Variants in ARL15 observed in about 807,000 individuals in gnomAD.
ARL15 encodes the protein ADP-ribosylation factor-like protein 15.
Under a neutral mutation model 25.2 loss-of-function variants are expected in ARL15, and 19 were observed. The ratio of observed to expected loss-of-function variants is 0.75; its 90% confidence interval spans 0.53 to 1.10. The LOEUF (loss-of-function observed/expected upper bound fraction) is 1.10, where lower values mean the gene tolerates loss of function less well. ARL15 is among the 50% of genes least tolerant of loss of function. The probability of loss-of-function intolerance (pLI) is 0.00; values close to 1 mark genes in which losing one functional copy is unlikely to be tolerated. For missense variants in ARL15, 220 were observed against 246.0 expected (o/e 0.89, Z 0.71); for synonymous variants, 94 against 86.8 (o/e 1.08, Z -0.46).
In ARL15 at chr5:54,310,516, G is replaced by A. The variant is rs921089754; in HGVS notation, c.-37C>T. 15 of 1,572,338 alleles carry A rather than the reference G, an allele frequency of 9.5e-6. No individual in the cohort carries two copies. The highest frequency in any genetic ancestry group is 2.3e-5 in the East Asian group (1 of 42,608). On this transcript the variant is annotated 5_prime_UTR_variant, in exon 1 of 5. Transcript: ENST00000504924. The stretch of plus-strand genomic sequence containing the variant: ...AAGCATCCGGAACGGCTCCGAACCC[G>A]GAAAAAAAAAGCAGCGTCTCTGGCT...
chr5:54,145,315 T>A (rs1346122558), intron 3 of ARL15, among the ~76,000 whole-genome samples: 1 of 152,202 alleles, frequency 6.6e-6, no homozygotes, highest in Non-Finnish European at 1.5e-5. Context: ...TAATCAAGCA[T>A]CTTCAGTAGA....
chr5:54,201,671 T>G (rs1755728401), intron 1 of ARL15, among the ~76,000 whole-genome samples: 1 of 152,032 alleles, frequency 6.6e-6, no homozygotes. Flanking sequence ...AATTCCTACC[T>G]CCCCATGCTG....
intron 4 of ARL15, among the ~76,000 whole-genome samples, chr5:54,041,568 C>G (rs1236815798): frequency 6.6e-6 from 1 of 152,170 alleles, no homozygotes; most frequent in Non-Finnish European, 1.5e-5. Flanking sequence ...CTACATGAGC[C>G]ACAAGTATGA....
At chr5:54,293,787 T>G (rs1561298438) in intron 1 of ARL15, among the ~76,000 whole-genome samples, 1 of 152,164 alleles carries the variant, frequency 6.6e-6, no homozygotes, top group Non-Finnish European at 1.5e-5. Flanking sequence ...CATAGAAGAC[T>G]TTATGCCCTT....
intron 4 of ARL15, among the ~76,000 whole-genome samples, chr5:53,991,589 G>C (rs186486438): frequency 6.2e-5 from 9 of 145,502 alleles, no homozygotes; most frequent in African/African-American, 2.0e-4. Context: ...TTGAAGCAAT[G>C]AGTGTAAACA....
chr5:53,933,251 T>C (rs1746250210), intron 4 of ARL15, among the ~76,000 whole-genome samples: 1 of 151,924 alleles, frequency 6.6e-6, no homozygotes, highest in African/African-American at 2.4e-5. Context: ...ATTAATCAAA[T>C]CTAGAAGGAA....
At chr5:54,264,155 C>T (rs1159921222) in intron 1 of ARL15, among the ~76,000 whole-genome samples, 1 of 152,112 alleles carries the variant, frequency 6.6e-6, no homozygotes, top group Non-Finnish European at 1.5e-5. Flanking sequence ...GAAAGCTGCT[C>T]AATACATCCT....
intron 1 of ARL15, among the ~76,000 whole-genome samples, chr5:54,222,906 G>A (rs142642289): frequency 0.01 from 1,545 of 151,492 alleles, 53 homozygotes; most frequent in East Asian, 0.1. Flanking sequence ...TGCAACCTCC[G>A]CCTCCCGGGT....
chr5:54,012,893 A>C (rs1018191305), intron 4 of ARL15, among the ~76,000 whole-genome samples: 1 of 147,790 alleles, frequency 6.8e-6, no homozygotes, highest in Non-Finnish European at 1.5e-5. Context: ...ATCTCGGCTC[A>C]CTCACAAGCA....
chr5:54,012,989 G>A (rs112838464), intron 4 of ARL15, among the ~76,000 whole-genome samples: 13,388 of 151,294 alleles, frequency 0.088, 695 homozygotes, highest in Non-Finnish European at 0.11. Context: ...TAGTAGAGAC[G>A]GAGTTTCACC....
chr5:54,057,219 T>C (rs999824452), intron 4 of ARL15, among the ~76,000 whole-genome samples: 3 of 152,210 alleles, frequency 2.0e-5, no homozygotes, highest in Non-Finnish European at 2.9e-5. Flanking sequence ...AAATTAATCA[T>C]TGTTCATCTT....
chr5:53,917,764 C>CT lies in ARL15; in HGVS notation c.463-31052dup, dbSNP rs1313984529. ...TCTTCTTTGCATTGCCTCTGGAAGG[C>CT]TTTAACATTGCTCTAATCCCTCATC... On this transcript the variant is annotated intron_variant, in intron 4 of 4. Coordinates refer to ENST00000504924, the MANE Select transcript of ARL15 (RefSeq NM_019087.3). 3.9e-5 allele frequency among the ~76,000 whole-genome samples: 6 copies of CT among 152,108 alleles called. No individual in the cohort carries two copies. In the East Asian group the frequency reaches 1.2e-3, roughly 29 times the overall value.
At chr5:54,283,167 C>T (rs570373324) in intron 1 of ARL15, among the ~76,000 whole-genome samples, 1 of 152,274 alleles carries the variant, frequency 6.6e-6, no homozygotes, top group African/African-American at 2.4e-5. Context: ...GGATCCCTGG[C>T]TTTCTGTGGT....
chr5:53,931,576 A>G (rs551772877), intron 4 of ARL15, among the ~76,000 whole-genome samples: 15 of 152,320 alleles, frequency 9.8e-5, no homozygotes, highest in African/African-American at 3.6e-4. Flanking sequence ...AAGCCACAGA[A>G]GTCAACACCT....
chr5:54,286,279 A>G lies in ARL15; in HGVS notation c.48+24153T>C, dbSNP rs533904812. On this transcript the variant is annotated intron_variant, in intron 1 of 4. Transcript: ENST00000504924. The stretch of plus-strand genomic sequence containing the variant: ...TGCAATCTAAAGCAAAGCTAATAAA[A>G]TTGGCCTCTCAACATTTTCTAAAAA... 2.0e-5 allele frequency: 3 copies of G among 152,322 alleles called. No individual in the cohort carries two copies. The South Asian group carries it at 6.2e-4, about 32-fold the overall frequency. The allele number at this position is 152,322 out of a possible 1,614,324, so 9.4% of individuals were successfully genotyped here.
intron 1 of ARL15, among the ~76,000 whole-genome samples, chr5:54,202,922 A>G (rs780304269): frequency 2.0e-5 from 3 of 152,200 alleles, no homozygotes; most frequent in Non-Finnish European, 2.9e-5. Flanking sequence ...TATCCAATAC[A>G]TAAGCAATAT....
intron 4 of ARL15, among the ~76,000 whole-genome samples, chr5:53,910,141 G>A (rs1471373475): frequency 6.6e-6 from 1 of 152,190 alleles, no homozygotes; most frequent in African/African-American, 2.4e-5. Context: ...CCACAGGGCT[G>A]CAATGTTTAT....
At chr5:54,237,272 C>T (rs1193087692) in intron 1 of ARL15, among the ~76,000 whole-genome samples, 1 of 152,228 alleles carries the variant, frequency 6.6e-6, no homozygotes. Flanking sequence ...TCCCATTCTG[C>T]CATGATTGTA....
intron 3 of ARL15, among the ~76,000 whole-genome samples, chr5:54,127,097 G>C (rs746899581): frequency 6.6e-6 from 1 of 152,096 alleles, no homozygotes; most frequent in East Asian, 1.9e-4. Context: ...GAGAATATGC[G>C]GGTTTTTGTT....
Sources: gnomAD v4.1 joint callset for allele counts (sites outside exome capture counted in the v4.1 genomes callset) on GRCh38, gnomAD v4.1.1 for gene constraint, MANE v1.5 for transcripts, NCBI Gene and HGNC (gene_info 2026-07-23, HGNC 2026-07-21) for gene names.